The following DMD variants were observed in gnomAD, a reference collection of about 807,000 sequenced individuals.
The protein encoded by DMD is mutant dystrophin.
A neutral mutation model predicts 330.1 loss-of-function variants in DMD; 63 were observed. That is an observed-to-expected ratio of 0.19 (90% CI 0.16 to 0.24). The LOEUF is 0.24. Among genes scored for constraint, DMD ranks in the 10% least tolerant of loss-of-function variants. The probability of loss-of-function intolerance (pLI) is 1.00; values close to 1 mark genes in which losing one functional copy is unlikely to be tolerated. For missense variants in DMD, 3,344 were observed against 2,684.1 expected, an observed-to-expected ratio of 1.25 and a Z score of -5.43; for synonymous variants, 1,223 against 959.8, an observed-to-expected ratio of 1.27 and a Z score of -5.07.
chrX:31,472,107 C>T (rs763777118), intron 59 of DMD, among the ~76,000 whole-genome samples: 29 of 112,433 alleles, frequency 2.6e-4, no homozygotes, highest in Non-Finnish European at 4.5e-4. Flanking sequence ...AGCCTCCACA[C>T]GGCAATTCAT....
At chrX:31,803,107 C>T (rs975642451) in intron 50 of DMD, among the ~76,000 whole-genome samples, 16 of 112,220 alleles carry the variant, frequency 1.4e-4, no homozygotes, top group Non-Finnish European at 3.0e-4. Context: ...CATGGGCTCC[C>T]ATCTCCATTG....
At chrX:32,729,648 T>C (rs1179889523) in intron 7 of DMD, among the ~76,000 whole-genome samples, 2 of 112,040 alleles carry the variant, frequency 1.8e-5, no homozygotes, top group African/African-American at 3.2e-5. Flanking sequence ...AAAAGAAATA[T>C]GCCAAATTTA....
At chrX:32,372,032 G>A (rs1343761787) in intron 34 of DMD, among the ~76,000 whole-genome samples, 2 of 111,213 alleles carry the variant, frequency 1.8e-5, no homozygotes, top group Non-Finnish European at 3.8e-5. Flanking sequence ...TGGTATAGTG[G>A]AAAAAACTGT....
chrX:32,467,497 C>T (rs919291633), intron 23 of DMD, among the ~76,000 whole-genome samples: 1 of 109,459 alleles, frequency 9.1e-6, no homozygotes. Flanking sequence ...ATTACAAATT[C>T]GATATGGTGA....
At chrX:32,671,807 C>T (rs1602775851) in intron 9 of DMD, among the ~76,000 whole-genome samples, 2 of 111,112 alleles carry the variant, frequency 1.8e-5, no homozygotes, top group African/African-American at 6.5e-5. Flanking sequence ...AATGTAATAC[C>T]ACCAAATTTA....
chrX:32,486,537 C>T (rs760348661), intron 20 of DMD, among the ~76,000 whole-genome samples: 55 of 110,782 alleles, frequency 5.0e-4, no homozygotes, highest in East Asian at 8.5e-4. Context: ...GAGCCCGCAT[C>T]GCCAAGTCAA....
intron 43 of DMD, 92 bp downstream of exon 43, chrX:32,287,437 T>A (rs2097446776): frequency 2.2e-6 from 2 of 908,249 alleles, no homozygotes; most frequent in Admixed American, 4.8e-5. Flanking sequence ...TTTCCCTGTC[T>A]TTTTTCCATG....
At chrX:32,873,870 A>T (rs911824807) in intron 2 of DMD, among the ~76,000 whole-genome samples, 1 of 112,457 alleles carries the variant, frequency 8.9e-6, no homozygotes, top group Non-Finnish European at 1.9e-5. Context: ...CAGGGACAAG[A>T]CCAAGAACAG....
chrX:33,082,502 C>T (rs2094945287), intron 1 of DMD, among the ~76,000 whole-genome samples: 1 of 110,972 alleles, frequency 9.0e-6, no homozygotes, highest in Non-Finnish European at 1.9e-5. Context: ...GGAATCATTC[C>T]AGAAGCCAAC....
At chrX:32,159,744 G>A (rs1200145417) in intron 44 of DMD, among the ~76,000 whole-genome samples, 1 of 111,723 alleles carries the variant, frequency 9.0e-6, no homozygotes, top group African/African-American at 3.3e-5. Context: ...GCTCAAAATG[G>A]GGAAAGAGCG....
intron 1 of DMD, among the ~76,000 whole-genome samples, chrX:33,154,998 G>C (rs952604801): frequency 8.9e-6 from 1 of 112,128 alleles, no homozygotes; most frequent in Non-Finnish European, 1.9e-5. Context: ...GACATGGTCT[G>C]ATTACATATC....
intron 2 of DMD, among the ~76,000 whole-genome samples, chrX:32,888,151 A>T (rs116184314): frequency 0.2 from 21,811 of 109,382 alleles, 1,730 homozygotes; most frequent in East Asian, 0.28. Flanking sequence ...TTTATTTTTT[A>T]TTTTTTTTAA....
intron 1 of DMD, among the ~76,000 whole-genome samples, chrX:33,330,462 C>A (rs1603430922): frequency 8.9e-6 from 1 of 111,734 alleles, no homozygotes; most frequent in Middle Eastern, 4.6e-3. Context: ...ATGAGTGAAA[C>A]ATTTTCAGGT....
At chrX:32,001,120 T>C (rs1432866332) in intron 44 of DMD, among the ~76,000 whole-genome samples, 2 of 111,507 alleles carry the variant, frequency 1.8e-5, no homozygotes, top group South Asian at 3.7e-4. Flanking sequence ...GGCAGGAGAC[T>C]GACTGCAACG....
intron 13 of DMD, among the ~76,000 whole-genome samples, chrX:32,584,880 A>C (rs7053080): frequency 1.5e-4 from 17 of 111,819 alleles, no homozygotes; most frequent in African/African-American, 5.5e-4. Flanking sequence ...TCTTTAAGCT[A>C]TAATTATAAC....
chrX:31,676,514 C>G (rs2082088359), intron 53 of DMD, among the ~76,000 whole-genome samples: 1 of 111,564 alleles, frequency 9.0e-6, no homozygotes, highest in East Asian at 2.8e-4. Context: ...GTTGGTTTAT[C>G]AGTAATGTAA....
chrX:32,188,148 T>C (rs2096956088), intron 44 of DMD, among the ~76,000 whole-genome samples: 1 of 110,542 alleles, frequency 9.0e-6, no homozygotes, highest in Non-Finnish European at 1.9e-5. Context: ...GTCATTTGTT[T>C]GACCTTTATA....
At chrX:31,693,815 T>A (rs748208084) in intron 52 of DMD, among the ~76,000 whole-genome samples, 1 of 111,749 alleles carries the variant, frequency 8.9e-6, no homozygotes, top group Admixed American at 9.5e-5. Flanking sequence ...GTTCATAAAT[T>A]GGAAAAATTA....
intron 17 of DMD, among the ~76,000 whole-genome samples, chrX:32,543,493 T>A (rs905829964): frequency 1.9e-4 from 21 of 111,804 alleles, no homozygotes; most frequent in African/African-American, 6.2e-4. Context: ...ATTACTCTGT[T>A]TGGAGAACTG....
Sources: gnomAD v4.1 joint callset for allele counts (sites outside exome capture counted in the v4.1 genomes callset) on GRCh38, gnomAD v4.1.1 for gene constraint, MANE v1.5 for transcripts, NCBI Gene and HGNC (gene_info 2026-07-23, HGNC 2026-07-21) for gene names.